The following BBS9 variants were observed in gnomAD, a reference collection of about 807,000 sequenced individuals.
BBS9 encodes the protein protein PTHB1.
BBS9 carries 89 observed loss-of-function variants against 117.7 expected under a neutral mutation model. The observed-to-expected ratio is 0.76, with a 90% CI of 0.64 to 0.90. BBS9 has a LOEUF of 0.90. Ranked by LOEUF, BBS9 falls within the 40% of genes least tolerant of loss-of-function variation. BBS9 has a pLI of 0.00. For missense variants in BBS9, 982 were observed against 1,042.2 expected, an observed-to-expected ratio of 0.94 and a Z score of 0.80; for synonymous variants, 379 against 370.9, an observed-to-expected ratio of 1.02 and a Z score of -0.25.
chr7:33,483,692 G>A (rs976356915), intron 19 of BBS9, among the ~76,000 whole-genome samples: 3 of 151,512 alleles, frequency 2.0e-5, no homozygotes, highest in African/African-American at 4.9e-5. Context: ...GTGCAGTGGC[G>A]TGATCATGCC....
At chr7:33,133,013 C>G (rs1396456218) in intron 1 of BBS9, among the ~76,000 whole-genome samples, 3 of 152,054 alleles carry the variant, frequency 2.0e-5, no homozygotes, top group African/African-American at 7.2e-5. Context: ...TGGTCCTGAA[C>G]TCCTTAGCTC....
chr7:33,537,880 C>T (rs1199772655), intron 21 of BBS9, among the ~76,000 whole-genome samples: 2 of 152,182 alleles, frequency 1.3e-5, no homozygotes, highest in Non-Finnish European at 2.9e-5. Flanking sequence ...TATTTGAAGA[C>T]TTATCATTTT....
intron 21 of BBS9, among the ~76,000 whole-genome samples, chr7:33,625,387 G>C (rs1865592136): frequency 6.6e-6 from 1 of 152,226 alleles, no homozygotes; most frequent in South Asian, 2.1e-4. Flanking sequence ...TATGAAGAAG[G>C]TATTATTTCT....
At chr7:33,586,464 A>G (rs1860909747) in intron 21 of BBS9, among the ~76,000 whole-genome samples, 1 of 152,136 alleles carries the variant, frequency 6.6e-6, no homozygotes, top group African/African-American at 2.4e-5. Flanking sequence ...GAATTAGTTC[A>G]GCCACTATAA....
At chr7:33,566,935 A>G (rs1374511608) in intron 21 of BBS9, among the ~76,000 whole-genome samples, 3 of 152,210 alleles carry the variant, frequency 2.0e-5, no homozygotes, top group Non-Finnish European at 2.9e-5. Flanking sequence ...GAATAACTGT[A>G]TATGAGGAAC....
chr7:33,485,455 G>A (rs112856055), intron 19 of BBS9, among the ~76,000 whole-genome samples: 1,522 of 151,202 alleles, frequency 0.01, 13 homozygotes, highest in Middle Eastern at 0.027. Context: ...GACTACAGGC[G>A]CCCGCCACCA....
At chr7:33,250,652 T>C (rs1796079180) in intron 5 of BBS9, among the ~76,000 whole-genome samples, 1 of 152,248 alleles carries the variant, frequency 6.6e-6, no homozygotes, top group African/African-American at 2.4e-5. Flanking sequence ...TCTCTACATA[T>C]TTCTAAACAT....
chr7:33,489,772 GTGCTAT>G (rs1240293503), intron 19 of BBS9, among the ~76,000 whole-genome samples: 1 of 152,108 alleles, frequency 6.6e-6, no homozygotes, highest in East Asian at 1.9e-4. Context: ...GAAGCTTCAC[GTGCTAT>G]TGTGTGATAT....
intron 5 of BBS9, among the ~76,000 whole-genome samples, chr7:33,229,365 A>G (rs899084625): frequency 6.6e-6 from 1 of 150,954 alleles, no homozygotes; most frequent in Non-Finnish European, 1.5e-5. Flanking sequence ...CTAATTGTGT[A>G]TTCTGTCTCC....
intron 4 of BBS9, 44 bp downstream of exon 4, chr7:33,155,746 G>A: frequency 9.2e-7 from 1 of 1,091,806 alleles, no homozygotes. Context: ...TTACAAATTG[G>A]GCTTAATGTT....
chr7:33,427,114 T>C (rs1374744845), intron 19 of BBS9, among the ~76,000 whole-genome samples: 2 of 152,166 alleles, frequency 1.3e-5, no homozygotes, highest in African/African-American at 4.8e-5. Context: ...TGTCACCTTC[T>C]TGGCCCTTTT....
chr7:33,230,848 C>A (rs1354558317), intron 5 of BBS9, among the ~76,000 whole-genome samples: 2 of 152,142 alleles, frequency 1.3e-5, no homozygotes, highest in African/African-American at 4.8e-5. Context: ...GATTCCATAT[C>A]TTTACAACTG....
At chr7:33,515,675 G>T (rs1847652238) in intron 20 of BBS9, among the ~76,000 whole-genome samples, 1 of 152,170 alleles carries the variant, frequency 6.6e-6, no homozygotes, top group Non-Finnish European at 1.5e-5. Flanking sequence ...TCAGGGATTT[G>T]CCAGTTTTTC....
chr7:33,267,594 T>C (rs1325111970), intron 7 of BBS9, among the ~76,000 whole-genome samples: 1 of 152,082 alleles, frequency 6.6e-6, no homozygotes, highest in African/African-American at 2.4e-5. Flanking sequence ...TACCTTCAGG[T>C]GATATATTAC....
chr7:33,441,968 T>C (rs1346874834), intron 19 of BBS9, among the ~76,000 whole-genome samples: 1 of 151,760 alleles, frequency 6.6e-6, no homozygotes, highest in African/African-American at 2.4e-5. Flanking sequence ...CCTGGCTCAC[T>C]GCAGCCTCCA....
intron 18 of BBS9, among the ~76,000 whole-genome samples, chr7:33,387,645 A>G (rs1035817350): frequency 6.6e-6 from 1 of 152,024 alleles, no homozygotes; most frequent in Non-Finnish European, 1.5e-5. Flanking sequence ...TGGTGCTTTT[A>G]TTGTGTCTAA....
At chr7:33,213,380 G>C (rs1200782927) in intron 5 of BBS9, among the ~76,000 whole-genome samples, 1 of 152,200 alleles carries the variant, frequency 6.6e-6, no homozygotes, top group South Asian at 2.1e-4. Flanking sequence ...CTTCAGGGCA[G>C]TGGGCTCCCA....
At chr7:33,580,315 C>T (rs1021309175) in intron 21 of BBS9, among the ~76,000 whole-genome samples, 1 of 150,972 alleles carries the variant, frequency 6.6e-6, no homozygotes, top group Non-Finnish European at 1.5e-5. Context: ...GATGATCACT[C>T]GAGAAAAGAA....
At chr7:33,381,885 T>C (rs1346058408) in intron 17 of BBS9, among the ~76,000 whole-genome samples, 2 of 152,200 alleles carry the variant, frequency 1.3e-5, no homozygotes, top group South Asian at 2.1e-4. Context: ...AGAGGAGATA[T>C]ACTATTGAAT....
Sources: allele counts gnomAD v4.1 joint callset (sites outside exome capture counted in the v4.1 genomes callset), GRCh38; gene constraint gnomAD v4.1.1; transcripts MANE v1.5; gene names NCBI Gene and HGNC (gene_info 2026-07-23, HGNC 2026-07-21).